The following ANKRD45 variants were observed in gnomAD, a reference collection of about 807,000 sequenced individuals.
The protein encoded by ANKRD45 is ankyrin repeat domain 45.
ANKRD45 carries 21 observed loss-of-function variants against 28.1 expected under a neutral mutation model. The ratio of observed to expected loss-of-function variants is 0.75; its 90% CI spans 0.53 to 1.08. The LOEUF is 1.08. Ranked by LOEUF, ANKRD45 falls within the 50% of genes least tolerant of loss-of-function variation. The probability of loss-of-function intolerance (pLI) is 0.00; values close to 1 mark genes in which losing one functional copy is unlikely to be tolerated. For synonymous variants in ANKRD45, 86 were observed against 103.9 expected, an observed-to-expected ratio of 0.83 and a Z score of 1.05; for missense variants, 261 against 308.7, an observed-to-expected ratio of 0.85 and a Z score of 1.16.
chr1:173,634,725 T>C (rs1029343268), intron 3 of ANKRD45, among the ~76,000 whole-genome samples: 6 of 151,986 alleles, frequency 3.9e-5, no homozygotes, highest in African/African-American at 1.4e-4. Flanking sequence ...TTATTTTTTA[T>C]AATAAAATCA....
the ANKRD45 span, among the ~76,000 whole-genome samples, chr1:173,714,779 T>G: frequency 2.0e-5 from 3 of 152,210 alleles, no homozygotes; most frequent in Non-Finnish European, 4.4e-5. Flanking sequence ...TGGTTACTCT[T>G]GGGATACAAG....
the ANKRD45 span, among the ~76,000 whole-genome samples, chr1:173,691,368 C>G: frequency 6.6e-6 from 1 of 152,168 alleles, no homozygotes; most frequent in Non-Finnish European, 1.5e-5. Flanking sequence ...AACCAGAGAC[C>G]GTCCCCAGAG....
chr1:173,694,988 A>G, the ANKRD45 span, among the ~76,000 whole-genome samples: 4 of 152,174 alleles, frequency 2.6e-5, no homozygotes, highest in African/African-American at 9.7e-5. Context: ...AATATTTTTC[A>G]AATCATTTTA....
chr1:173,643,648 A>G (rs1668800075), intron 3 of ANKRD45, among the ~76,000 whole-genome samples: 1 of 152,170 alleles, frequency 6.6e-6, no homozygotes, highest in Non-Finnish European at 1.5e-5. Flanking sequence ...TGACAAGACA[A>G]TTCAATTTTT....
chr1:173,652,305 A>C (rs1248682375), intron 2 of ANKRD45, among the ~76,000 whole-genome samples: 1 of 152,190 alleles, frequency 6.6e-6, no homozygotes, highest in East Asian at 1.9e-4. Context: ...TTCAGCATGA[A>C]GGTCTGTTGA....
the ANKRD45 span, among the ~76,000 whole-genome samples, chr1:173,704,550 C>T: frequency 6.6e-6 from 1 of 152,224 alleles, no homozygotes; most frequent in East Asian, 1.9e-4. Context: ...ACATCTCAAA[C>T]ATCTGATCCA....
At chr1:173,641,553 C>A (rs1668698757) in intron 3 of ANKRD45, among the ~76,000 whole-genome samples, 1 of 152,216 alleles carries the variant, frequency 6.6e-6, no homozygotes. Context: ...TTTCCAGAAG[C>A]TTGTTCATCA....
chr1:173,622,915 A>C (rs910913354), intron 5 of ANKRD45, among the ~76,000 whole-genome samples: 1 of 152,200 alleles, frequency 6.6e-6, no homozygotes, highest in African/African-American at 2.4e-5. Context: ...CAAAGGTCTA[A>C]TATCCAGAGT....
chr1:173,647,355 A>G (rs903272446), intron 2 of ANKRD45, among the ~76,000 whole-genome samples: 3 of 152,188 alleles, frequency 2.0e-5, no homozygotes, highest in Non-Finnish European at 4.4e-5. Context: ...CAATCTCCCT[A>G]GCAGTCACCT....
chr1:173,663,703 GCTGGAGC>G (rs1172189549), intron 1 of ANKRD45, among the ~76,000 whole-genome samples: 10 of 152,156 alleles, frequency 6.6e-5, no homozygotes, highest in Non-Finnish European at 1.3e-4. Context: ...AAGCATAATA[GCTGGAGC>G]CTGAAAGGAT....
At chr1:173,707,732 T>C in the ANKRD45 span, among the ~76,000 whole-genome samples, 37 of 152,336 alleles carry the variant, frequency 2.4e-4, no homozygotes, top group Middle Eastern at 0.017. Context: ...TGATGTGGGG[T>C]ATAAAGAACC....
At chr1:173,711,865 A>G in the ANKRD45 span, among the ~76,000 whole-genome samples, 3 of 152,226 alleles carry the variant, frequency 2.0e-5, no homozygotes, top group Admixed American at 6.5e-5. Context: ...GAGTAGCAGA[A>G]GCACAAACCA....
At chr1:173,643,523 T>C (rs565076464) in intron 3 of ANKRD45, among the ~76,000 whole-genome samples, 2 of 152,258 alleles carry the variant, frequency 1.3e-5, no homozygotes, top group African/African-American at 4.8e-5. Context: ...CTACTTCAGA[T>C]TGCTAAAATA....
intron 1 of ANKRD45, among the ~76,000 whole-genome samples, chr1:173,663,741 T>G (rs1669886730): frequency 6.6e-6 from 1 of 152,204 alleles, no homozygotes; most frequent in South Asian, 2.1e-4. Flanking sequence ...ATGAGGTGGT[T>G]GTTCTCTTCA....
the ANKRD45 span, among the ~76,000 whole-genome samples, chr1:173,697,322 A>G: frequency 6.6e-6 from 1 of 152,172 alleles, no homozygotes; most frequent in South Asian, 2.1e-4. Context: ...GAACACCACA[A>G]AGGTACTCCT....
upstream of ANKRD45, among the ~76,000 whole-genome samples, chr1:173,670,695 C>T (rs1451693970): frequency 6.6e-6 from 1 of 152,144 alleles, no homozygotes; most frequent in African/African-American, 2.4e-5. Context: ...GAATGTCAGG[C>T]GACCATCAGG....
chr1:173,682,684 T>TACGCGCACAC, the ANKRD45 span, among the ~76,000 whole-genome samples: 8 of 144,036 alleles, frequency 5.6e-5, no homozygotes, highest in East Asian at 1.0e-3. Context: ...GCCTTTTAAA[T>TACGCGCACAC]ACACACACAC....
the ANKRD45 span, among the ~76,000 whole-genome samples, chr1:173,682,190 C>T: frequency 6.6e-6 from 1 of 152,158 alleles, no homozygotes; most frequent in Non-Finnish European, 1.5e-5. Context: ...TGAGCCTACA[C>T]TGAATCCTGG....
intron 3 of ANKRD45, among the ~76,000 whole-genome samples, chr1:173,639,945 C>G (rs1468968308): frequency 6.6e-6 from 1 of 152,152 alleles, no homozygotes; most frequent in Non-Finnish European, 1.5e-5. Context: ...AGGTTTTAAA[C>G]ATTAGATGGG....
Sources: gnomAD v4.1 joint callset for allele counts (sites outside exome capture counted in the v4.1 genomes callset) on GRCh38, gnomAD v4.1.1 for gene constraint, MANE v1.5 for transcripts, NCBI Gene and HGNC (gene_info 2026-07-23, HGNC 2026-07-21) for gene names.